Variants in STIMATE observed in about 807,000 individuals in gnomAD.
STIMATE encodes STIM activating enhancer.
In STIMATE, 15 loss-of-function variants were observed where a neutral mutation model predicts 36.7. The ratio of observed to expected loss-of-function variants is 0.41; its 90% CI spans 0.27 to 0.63. The LOEUF (loss-of-function observed/expected upper bound fraction) is 0.63, where lower values mean the gene tolerates loss of function less well. Ranked by LOEUF, STIMATE falls within the 20% of genes least tolerant of loss-of-function variation. STIMATE has a pLI of 0.32. For synonymous variants in STIMATE, 163 were observed against 162.3 expected (o/e 1.00, Z -0.03); for missense variants, 305 against 397.3 (o/e 0.77, Z 1.98).
intron 1 of STIMATE, among the ~76,000 whole-genome samples, chr3:52,875,867 C>T (rs573138390): frequency 6.6e-6 from 1 of 152,348 alleles, no homozygotes; most frequent in South Asian, 2.1e-4. Context: ...CCGGCCCCCT[C>T]CCTCATCCAG....
At chr3:52,897,156 A>C in intron 1 of STIMATE, 135 bp downstream of exon 1, 1 of 1,201,934 alleles carries the variant, frequency 8.3e-7, no homozygotes, top group Non-Finnish European at 1.1e-6. Context: ...GTGCAGGAAT[A>C]CCCAGCCTGG....
chr3:52,860,699 G>A lies in STIMATE; in HGVS notation c.161-5255C>T, dbSNP rs148256060. 4.6e-3 allele frequency among the ~76,000 whole-genome samples: 700 copies of A among 152,320 alleles called. 5 individuals carry two copies. Among genetic ancestry groups the A allele is most frequent in the African/African-American group, 0.014 (592 of 41,566 alleles). On this transcript the variant is annotated intron_variant, in intron 1 of 7. Transcript: ENST00000355083. ...CTAGGACCACATGCTGGCACTGACC[G>A]GGGCAATAGGAGAGGGGAGAAGAGG... is the stretch of plus-strand genomic sequence containing the variant.
At chr3:52,877,450 T>C (rs1701518937) in intron 1 of STIMATE, among the ~76,000 whole-genome samples, 1 of 152,146 alleles carries the variant, frequency 6.6e-6, no homozygotes, top group South Asian at 2.1e-4. Context: ...ATGTGTGCCA[T>C]GGCAGGGGGC....
At chr3:52,889,310 G>A (rs1170688133) in intron 1 of STIMATE, among the ~76,000 whole-genome samples, 1 of 152,188 alleles carries the variant, frequency 6.6e-6, no homozygotes, top group African/African-American at 2.4e-5. Flanking sequence ...GGGCGACGGT[G>A]GTTCCCAGGG....
chr3:52,896,471 A>ACC (rs1427110160), intron 1 of STIMATE, among the ~76,000 whole-genome samples: 2 of 147,040 alleles, frequency 1.4e-5, no homozygotes, highest in Non-Finnish European at 3.0e-5. Flanking sequence ...GCCCCCCCCC[A>ACC]CCCCCCATCA....
chr3:52,884,453 C>G (rs534017305), intron 1 of STIMATE, among the ~76,000 whole-genome samples: 1 of 152,158 alleles, frequency 6.6e-6, no homozygotes, highest in East Asian at 1.9e-4. Context: ...ACCATGTTGG[C>G]CAGGCTGGTC....
chr3:52,893,184 T>A (rs1202885345), intron 1 of STIMATE, among the ~76,000 whole-genome samples: 1 of 152,222 alleles, frequency 6.6e-6, no homozygotes, highest in Non-Finnish European at 1.5e-5. Flanking sequence ...AAAAGACTTG[T>A]GACATTTGGG....
intron 2 of STIMATE, 33 bp downstream of exon 2, chr3:52,855,363 C>T: frequency 6.2e-7 from 1 of 1,607,156 alleles, no homozygotes. Context: ...TAGTCAAAAG[C>T]ACTCCAGAAT....
At chr3:52,885,206 T>C (rs1461813109) in intron 1 of STIMATE, among the ~76,000 whole-genome samples, 4 of 152,228 alleles carry the variant, frequency 2.6e-5, no homozygotes, top group Admixed American at 1.3e-4. Context: ...CATTGGCCAT[T>C]TGTATATCTT....
Position 52,840,428 on chromosome 3 carries a change from T to C in STIMATE, c.*66A>G. ...GCAGAGAGAGGGTAAGGAACGATGC[T>C]GCGGGATGACCTCTGCACACCAGCG... On this transcript the variant is annotated 3_prime_UTR_variant, in exon 8 of 8. Transcript: ENST00000355083. 2.6e-6 allele frequency: 4 copies of C among 1,548,330 alleles called. No individual in the cohort carries two copies. Among genetic ancestry groups the C allele is most frequent in the Non-Finnish European group, 3.5e-6 (4 of 1,130,062 alleles).
chr3:52,890,518 G>A (rs1423475987), intron 1 of STIMATE, among the ~76,000 whole-genome samples: 3 of 152,226 alleles, frequency 2.0e-5, no homozygotes, highest in Non-Finnish European at 4.4e-5. Context: ...GAGGCAGGCT[G>A]GGGATGCTGT....
chr3:52,853,760 G>A lies in STIMATE; in HGVS notation c.210-1062C>T, dbSNP rs147358157. Among the ~76,000 whole-genome samples, 822 of 152,288 alleles carry A rather than the reference G, an allele frequency of 5.4e-3. 12 individuals are homozygous for A. Among genetic ancestry groups the A allele is most frequent in the African/African-American group, 0.019 (795 of 41,554 alleles). ...GAAAATAAAAAGAATTATCAAATTCGCCAGCAACACGTTTAAGAACAAGTA... is the reference window on the plus strand; with the variant it reads ...GAAAATAAAAAGAATTATCAAATTCACCAGCAACACGTTTAAGAACAAGTA... On this transcript the variant is annotated intron_variant, in intron 2 of 7. Transcript: ENST00000355083.
intron 1 of STIMATE, among the ~76,000 whole-genome samples, chr3:52,882,931 A>C (rs541853831): frequency 6.6e-6 from 1 of 152,288 alleles, no homozygotes; most frequent in South Asian, 2.1e-4. Context: ...CATGGCTTCT[A>C]GGAGCCTAAA....
intron 1 of STIMATE, among the ~76,000 whole-genome samples, chr3:52,867,341 C>T (rs1226393317): frequency 6.6e-6 from 1 of 152,220 alleles, no homozygotes; most frequent in African/African-American, 2.4e-5. Context: ...GATCACTCTC[C>T]CTCACAGACA....
intron 1 of STIMATE, among the ~76,000 whole-genome samples, chr3:52,893,065 G>A (rs1326161954): frequency 3.3e-5 from 5 of 151,242 alleles, no homozygotes; most frequent in Non-Finnish European, 7.4e-5. Context: ...AAAAAAGTGT[G>A]CATGTATGTG....
chr3:52,887,238 T>G (rs1559499481), intron 1 of STIMATE, among the ~76,000 whole-genome samples: 2 of 152,212 alleles, frequency 1.3e-5, no homozygotes, highest in Non-Finnish European at 2.9e-5. Context: ...GCTGAAGTAT[T>G]TAGTAGTTAG....
At chr3:52,850,330 GC>G (rs1277410171) in intron 3 of STIMATE, among the ~76,000 whole-genome samples, 2 of 152,194 alleles carry the variant, frequency 1.3e-5, no homozygotes, top group Non-Finnish European at 2.9e-5. Flanking sequence ...TACTCGGGGG[GC>G]TGAGGCAGGG....
chr3:52,880,580 G>C (rs569039242), intron 1 of STIMATE, among the ~76,000 whole-genome samples: 1 of 152,132 alleles, frequency 6.6e-6, no homozygotes, highest in Admixed American at 6.5e-5. Flanking sequence ...AGCTCCATTC[G>C]CACTTCCTTT....
chr3:52,850,589 C>G (rs1340288633), intron 3 of STIMATE, among the ~76,000 whole-genome samples: 1 of 152,206 alleles, frequency 6.6e-6, no homozygotes, highest in East Asian at 1.9e-4. Flanking sequence ...CCCTGACAGT[C>G]CAGCCCAGGA....
Sources: gnomAD v4.1 joint callset for allele counts (sites outside exome capture counted in the v4.1 genomes callset) on GRCh38, gnomAD v4.1.1 for gene constraint, MANE v1.5 for transcripts, NCBI Gene and HGNC (gene_info 2026-07-23, HGNC 2026-07-21) for gene names.